Variants in CAMK4 observed in about 807,000 individuals in gnomAD.
CAMK4 encodes the protein calcium/calmodulin-dependent protein kinase type IV.
A neutral mutation model predicts 44.9 loss-of-function variants in CAMK4; 22 were observed. The ratio of observed to expected loss-of-function variants is 0.49; its 90% CI spans 0.35 to 0.70. The LOEUF is 0.70. Among genes scored for constraint, CAMK4 ranks in the 30% least tolerant of loss-of-function variants. The pLI, the probability that CAMK4 is intolerant of heterozygous loss-of-function variation, is 0.01. For missense variants in CAMK4, 498 were observed against 586.8 expected, an observed-to-expected ratio of 0.85 and a Z score of 1.56; for synonymous variants, 218 against 215.4, an observed-to-expected ratio of 1.01 and a Z score of -0.11.
chr5:111,430,093 A>G (rs534815874), intron 5 of CAMK4, among the ~76,000 whole-genome samples: 1 of 152,324 alleles, frequency 6.6e-6, no homozygotes, highest in South Asian at 2.1e-4. Context: ...GCCAATTTCA[A>G]CAATACATTA....
intron 7 of CAMK4, among the ~76,000 whole-genome samples, chr5:111,452,243 G>T (rs1172275423): frequency 6.6e-6 from 1 of 152,182 alleles, no homozygotes. Context: ...TGTATGACTA[G>T]AACATAGAGT....
At chr5:111,446,471 A>G (rs952818189) in intron 5 of CAMK4, among the ~76,000 whole-genome samples, 2 of 152,222 alleles carry the variant, frequency 1.3e-5, no homozygotes, top group Non-Finnish European at 2.9e-5. Flanking sequence ...AATAGATTCT[A>G]TACAATTTAA....
intron 2 of CAMK4, among the ~76,000 whole-genome samples, chr5:111,372,972 A>G (rs1333398503): frequency 6.6e-6 from 1 of 152,174 alleles, no homozygotes; most frequent in African/African-American, 2.4e-5. Flanking sequence ...TCATATATTC[A>G]TCCTCTCCTC....
chr5:111,361,025 C>T (rs1181278162), intron 2 of CAMK4, among the ~76,000 whole-genome samples: 2 of 151,998 alleles, frequency 1.3e-5, no homozygotes, highest in Non-Finnish European at 2.9e-5. Flanking sequence ...CATGTGAGAG[C>T]CTCTCTTTCC....
intron 7 of CAMK4, among the ~76,000 whole-genome samples, chr5:111,453,729 C>T (rs1754317630): frequency 6.6e-6 from 1 of 152,198 alleles, no homozygotes. Flanking sequence ...GGAAAGAAGA[C>T]ACCAGGGTGG....
At chr5:111,316,172 C>T (rs1435320068) in intron 1 of CAMK4, among the ~76,000 whole-genome samples, 1 of 152,150 alleles carries the variant, frequency 6.6e-6, no homozygotes, top group Non-Finnish European at 1.5e-5. Flanking sequence ...TGGCCTAATA[C>T]TCTAATCCTT....
chr5:111,408,560 T>G (rs6884271), intron 5 of CAMK4, among the ~76,000 whole-genome samples: 15,400 of 152,082 alleles, frequency 0.1, 1,217 homozygotes, highest in African/African-American at 0.22. Context: ...AACCATATCA[T>G]TCTGCCCCTG....
chr5:111,376,949 T>C lies in CAMK4; in HGVS notation c.386+7T>C, dbSNP rs778958437. ...GAGGAGAACTGTTTGATAGGTGAGT[T>C]GGTTCTGGAAATATAACCACAGAAA... is the stretch of plus-strand genomic sequence containing the variant. On this transcript the variant is annotated splice_region_variant and intron_variant, in intron 4 of 10. Coordinates refer to ENST00000282356, the MANE Select transcript of CAMK4 (RefSeq NM_001744.6). 28 of 1,576,084 alleles carry C rather than the reference T, an allele frequency of 1.8e-5. No individual in the cohort carries two copies. The East Asian group carries it at 6.2e-4, about 35-fold the overall frequency.
At position 111,447,460 on chromosome 5, in the gene CAMK4, T is replaced by G. The variant is rs189612926; in HGVS notation, c.550+684T>G. 4.6e-5 allele frequency among the ~76,000 whole-genome samples: 7 copies of G among 152,344 alleles called. No individual in the cohort carries two copies. The East Asian group carries it at 1.2e-3, about 25-fold the overall frequency. On this transcript the variant is annotated intron_variant, in intron 6 of 10. Transcript: ENST00000282356. ...ATATTATATCATATTCTATGAGACT[T>G]TTTTAAAATTTTTACCAATAAGCAT... is the stretch of plus-strand genomic sequence containing the variant.
At chr5:111,291,244 T>G (rs1261890917) in intron 1 of CAMK4, among the ~76,000 whole-genome samples, 1 of 152,182 alleles carries the variant, frequency 6.6e-6, no homozygotes, top group Non-Finnish European at 1.5e-5. Flanking sequence ...TATCCTGTAT[T>G]TTCTGAATAT....
In CAMK4 at chr5:111,491,758, A is replaced by G. The variant is rs1343297399; in HGVS notation, c.*7292A>G. 1.3e-5 allele frequency: 2 copies of G among 152,204 alleles called. No homozygotes were observed. Among genetic ancestry groups the G allele is most frequent in the African/African-American group, 4.8e-5 (2 of 41,462 alleles). The allele number at this position is 152,204 out of a possible 1,614,324, so 9.4% of individuals were successfully genotyped here. The stretch of plus-strand genomic sequence containing the variant: ...CATTTGCTCACATTTAAGTCAATCT[A>G]CAGCTGTTACTTACTAAGCTAAGAA... On this transcript the variant is annotated 3_prime_UTR_variant, in exon 11 of 11. Coordinates refer to ENST00000282356, the MANE Select transcript of CAMK4 (RefSeq NM_001744.6).
At chr5:111,443,257 T>G (rs1191468918) in intron 5 of CAMK4, among the ~76,000 whole-genome samples, 1 of 41,252 alleles carries the variant, frequency 2.4e-5, no homozygotes, top group Non-Finnish European at 4.5e-5. Context: ...TATATATATA[T>G]ATATATATAT....
At chr5:111,254,048 G>T (rs1460711037) in intron 1 of CAMK4, among the ~76,000 whole-genome samples, 3 of 152,162 alleles carry the variant, frequency 2.0e-5, no homozygotes, top group Non-Finnish European at 4.4e-5. Flanking sequence ...TTTAAGATCT[G>T]AATATTGAAT....
At chr5:111,366,022 A>C (rs1750781277) in intron 2 of CAMK4, among the ~76,000 whole-genome samples, 1 of 152,128 alleles carries the variant, frequency 6.6e-6, no homozygotes, top group Non-Finnish European at 1.5e-5. Flanking sequence ...ATACTTGTTG[A>C]ATGTCAAAAA....
intron 9 of CAMK4, among the ~76,000 whole-genome samples, chr5:111,479,226 AT>A (rs778795200): frequency 1.3e-5 from 2 of 152,168 alleles, no homozygotes; most frequent in Non-Finnish European, 2.9e-5. Flanking sequence ...ATTTCATCAA[AT>A]TTATTAAAAT....
In CAMK4 at chr5:111,470,400, A is replaced by C. The variant is rs562247920; in HGVS notation, c.626-2911A>C. Among the ~76,000 whole-genome samples, 120 of 152,326 alleles carry C rather than the reference A, an allele frequency of 7.9e-4. 1 individual carries two copies. The highest frequency in any genetic ancestry group is 2.6e-3 in the African/African-American group (110 of 41,576). Reference sequence around the variant, plus strand: ...GTTCCTTAAAGGGTGCATCTTGCTGAATTGCTGTGTAGAGTGCTAGAATGC... The same window carrying C: ...GTTCCTTAAAGGGTGCATCTTGCTGCATTGCTGTGTAGAGTGCTAGAATGC... On this transcript the variant is annotated intron_variant, in intron 7 of 10. Coordinates refer to ENST00000282356, the MANE Select transcript of CAMK4 (RefSeq NM_001744.6).
At chr5:111,338,969 G>A (rs1366159836) in intron 1 of CAMK4, among the ~76,000 whole-genome samples, 1 of 151,316 alleles carries the variant, frequency 6.6e-6, no homozygotes, top group African/African-American at 2.4e-5. Context: ...TTTTAGAATA[G>A]TTTCTTGTAA....
intron 1 of CAMK4, among the ~76,000 whole-genome samples, chr5:111,316,465 TGA>T (rs1360317540): frequency 2.6e-5 from 4 of 152,184 alleles, no homozygotes; most frequent in African/African-American, 9.6e-5. Flanking sequence ...TGAGAACACC[TGA>T]GGTGACTTTT....
In CAMK4 at chr5:111,362,617, A is replaced by G. The variant is rs193287096; in HGVS notation, c.241-12233A>G. On this transcript the variant is annotated intron_variant, in intron 2 of 10. Transcript: ENST00000282356. The stretch of plus-strand genomic sequence containing the variant: ...TAAATGTGACTATGATACTTCTAGA[A>G]AAATATATAATATGTGTTGATTTCC... 1.6e-4 allele frequency among the ~76,000 whole-genome samples: 25 copies of G among 152,194 alleles called. No homozygotes were observed. In the East Asian group the frequency reaches 3.9e-3, roughly 24 times the overall value.
Sources: gnomAD v4.1 joint callset for allele counts (sites outside exome capture counted in the v4.1 genomes callset) on GRCh38, gnomAD v4.1.1 for gene constraint, MANE v1.5 for transcripts, NCBI Gene and HGNC (gene_info 2026-07-23, HGNC 2026-07-21) for gene names.